The following SIMC1 variants were observed in gnomAD, a reference collection of about 807,000 sequenced individuals.
SIMC1 encodes SUMO-interacting motif-containing protein 1.
A neutral mutation model predicts 82.3 loss-of-function variants in SIMC1; 55 were observed. The ratio of observed to expected loss-of-function variants is 0.67; its 90% CI spans 0.54 to 0.84. The LOEUF (loss-of-function observed/expected upper bound fraction) is 0.84. Ranked by LOEUF, SIMC1 falls within the 40% of genes least tolerant of loss-of-function variation. The probability of loss-of-function intolerance (pLI) is 0.00; values close to 1 mark genes in which losing one functional copy is unlikely to be tolerated. For synonymous variants in SIMC1, 353 were observed against 426.3 expected (o/e 0.83, Z 2.12); for missense variants, 915 against 1,107.2 (o/e 0.83, Z 2.46).
chr5:176,312,821 T>C (rs1300053958), intron 4 of SIMC1, among the ~76,000 whole-genome samples: 1 of 152,168 alleles, frequency 6.6e-6, no homozygotes, highest in Non-Finnish European at 1.5e-5. Flanking sequence ...TACCTTCTGG[T>C]TCTTTAAAGT....
chr5:176,335,924 T>A (rs560280088), intron 7 of SIMC1, among the ~76,000 whole-genome samples: 2 of 152,044 alleles, frequency 1.3e-5, no homozygotes, highest in East Asian at 3.9e-4. Flanking sequence ...ACTCCTGTAG[T>A]TCCAGCTACT....
chr5:176,304,784 C>T (rs1181228484), intron 4 of SIMC1, among the ~76,000 whole-genome samples: 2 of 151,366 alleles, frequency 1.3e-5, no homozygotes, highest in African/African-American at 2.4e-5. Context: ...AAGTGAGGAG[C>T]GTCTCTGCCC....
intron 6 of SIMC1, among the ~76,000 whole-genome samples, chr5:176,323,372 C>T (rs1765244568): frequency 6.6e-6 from 1 of 152,282 alleles, no homozygotes; most frequent in East Asian, 1.9e-4. Context: ...TTTATAAATA[C>T]ATGTTAGTAG....
At chr5:176,325,166 A>G (rs1242994357) in intron 7 of SIMC1, among the ~76,000 whole-genome samples, 1 of 151,944 alleles carries the variant, frequency 6.6e-6, no homozygotes, top group East Asian at 1.9e-4. Flanking sequence ...CGAGCAGATC[A>G]CCTGAGGTCA....
At chr5:176,271,907 T>C (rs1015075487) in intron 1 of SIMC1, among the ~76,000 whole-genome samples, 10 of 88,290 alleles carry the variant, frequency 1.1e-4, no homozygotes, top group African/African-American at 2.5e-4. Flanking sequence ...TATACATTAG[T>C]ATATAATTGT....
At chr5:176,310,903 A>G (rs993525094) in intron 4 of SIMC1, among the ~76,000 whole-genome samples, 12 of 152,230 alleles carry the variant, frequency 7.9e-5, no homozygotes, top group Admixed American at 5.9e-4. Flanking sequence ...TAAAAAAGCA[A>G]TGAGCTATTG....
chr5:176,255,616 T>G, intron 1 of SIMC1, among the ~76,000 whole-genome samples: 1 of 147,188 alleles, frequency 6.8e-6, no homozygotes, highest in East Asian at 2.0e-4. Context: ...AGAGCTAACT[T>G]GACTTTAAAG....
At chr5:176,268,720 C>G (rs960279420) in intron 1 of SIMC1, among the ~76,000 whole-genome samples, 5 of 152,196 alleles carry the variant, frequency 3.3e-5, no homozygotes, top group African/African-American at 9.6e-5. Context: ...CAAACTACAA[C>G]CGTAGTTGGA....
In SIMC1 at chr5:176,268,799, A is replaced by C. The variant is rs563961603; in HGVS notation, c.130-20855A>C. 4.1e-3 allele frequency among the ~76,000 whole-genome samples: 631 copies of C among 152,338 alleles called. 2 individuals carry two copies. Among genetic ancestry groups the C allele is most frequent in the South Asian group, 7.0e-3 (34 of 4,824 alleles). On this transcript the variant is annotated intron_variant, in intron 1 of 9. Transcript: ENST00000429602. ...CCAAAGTAAAGAAATCAAAGATCTG[A>C]AAAACACTATTAACTACCATGACCT... is the stretch of plus-strand genomic sequence containing the variant.
intron 4 of SIMC1, among the ~76,000 whole-genome samples, chr5:176,303,309 C>T (rs1481161128): frequency 1.4e-5 from 2 of 144,906 alleles, no homozygotes; most frequent in East Asian, 4.1e-4. Context: ...GCAAAGGACA[C>T]CAAATAGCCA....
chr5:176,281,840 T>C (rs1763023103), intron 1 of SIMC1, among the ~76,000 whole-genome samples: 1 of 152,194 alleles, frequency 6.6e-6, no homozygotes, highest in South Asian at 2.1e-4. Flanking sequence ...CTCCCCCTAC[T>C]TGGGGGTGCC....
At chr5:176,288,423 GAATAAATAAATAAATA>G (rs150243423) in intron 1 of SIMC1, among the ~76,000 whole-genome samples, 5 of 126,800 alleles carry the variant, frequency 3.9e-5, no homozygotes, top group African/African-American at 1.2e-4. Flanking sequence ...ATGAATGAAT[GAATAAATAAATAAATA>G]AATAAATAAA....
chr5:176,326,309 G>A (rs973289654), intron 7 of SIMC1, among the ~76,000 whole-genome samples: 4 of 151,794 alleles, frequency 2.6e-5, no homozygotes, highest in African/African-American at 9.7e-5. Context: ...AAATACTCTG[G>A]TAAGATTGAG....
intron 4 of SIMC1, among the ~76,000 whole-genome samples, chr5:176,311,295 T>C (rs1361099112): frequency 6.6e-6 from 1 of 152,202 alleles, no homozygotes; most frequent in Non-Finnish European, 1.5e-5. Flanking sequence ...TGGAGTGCAG[T>C]GGCATGATCA....
Position 176,286,905 on chromosome 5 carries a change from A to G in SIMC1, c.130-2749A>G, listed in dbSNP as rs543449005. ...GCTCATCATCACTGGCTATCGGAGA[A>G]ATGCATATCAAAACCACAATGAGAT... is the stretch of plus-strand genomic sequence containing the variant. On this transcript the variant is annotated intron_variant, in intron 1 of 9. Coordinates refer to ENST00000429602, the MANE Select transcript of SIMC1 (RefSeq NM_001308195.2). 7.7e-4 allele frequency among the ~76,000 whole-genome samples: 117 copies of G among 152,374 alleles called. 1 individual carries two copies. In the South Asian group the frequency reaches 0.023, roughly 30 times the overall value.
At chr5:176,282,164 G>A (rs551877512) in intron 1 of SIMC1, among the ~76,000 whole-genome samples, 1,686 of 152,336 alleles carry the variant, frequency 0.011, 17 homozygotes, top group Non-Finnish European at 0.017. Context: ...CCTCGCTGCC[G>A]CCTTGCAGTT....
chr5:176,282,531 G>A (rs1355258208), intron 1 of SIMC1, among the ~76,000 whole-genome samples: 1 of 152,162 alleles, frequency 6.6e-6, no homozygotes. Flanking sequence ...CGTCGCTCAC[G>A]CTGGGAGCTG....
chr5:176,294,515 G>GTGATC (rs1763715553), intron 2 of SIMC1, among the ~76,000 whole-genome samples: 1 of 151,696 alleles, frequency 6.6e-6, no homozygotes, highest in East Asian at 1.9e-4. Context: ...CTGACCTCAA[G>GTGATC]CAGTTCTCCT....
rs536534880 is a variant in SIMC1, at chr5:176,263,182, ACTC to A, written c.129+24546_129+24548del. ...ACATTTCATGTTTGTGAATAGGAAA[ACTC>A]AATGTCATCAAGATGTCAATTCTTC... On this transcript the variant is annotated intron_variant, in intron 1 of 9. Transcript: ENST00000429602. Among the ~76,000 whole-genome samples the A allele has an allele frequency of 2.2e-4, 33 of 152,354 alleles. No homozygotes were observed. In the South Asian group the frequency reaches 6.8e-3, roughly 32 times the overall value.
Sources: allele counts gnomAD v4.1 joint callset (sites outside exome capture counted in the v4.1 genomes callset), GRCh38; gene constraint gnomAD v4.1.1; transcripts MANE v1.5; gene names NCBI Gene and HGNC (gene_info 2026-07-23, HGNC 2026-07-21).